TRAPPC13: variants seen among roughly 807,000 people sequenced by gnomAD.
The protein encoded by TRAPPC13 is trafficking protein particle complex subunit 13, also known as REV7-interacting novel NHEJ regulator 1.
Under a neutral mutation model 54.0 loss-of-function variants are expected in TRAPPC13, and 39 were observed. That is an observed-to-expected ratio of 0.72 (90% CI 0.56 to 0.94). The LOEUF (loss-of-function observed/expected upper bound fraction) is 0.94. Among genes scored for constraint, TRAPPC13 ranks in the 40% least tolerant of loss-of-function variants. The pLI is 0.00. For missense variants in TRAPPC13, 386 were observed against 488.1 expected (o/e 0.79, Z 1.97); for synonymous variants, 148 against 167.7 (o/e 0.88, Z 0.91).
At chr5:65,630,939 T>A (rs527373568) in intron 1 of TRAPPC13, 101 of 154,290 alleles carry the variant, frequency 6.5e-4, no homozygotes, top group Admixed American at 1.8e-3. Flanking sequence ...TGATAGTTAG[T>A]GCTAATTATT....
At position 65,660,597 on chromosome 5, in the gene TRAPPC13, G is replaced by C. The variant is rs139037600; in HGVS notation, c.699-102G>C. On this transcript the variant is annotated intron_variant, in intron 9 of 12. Transcript: ENST00000399438. ...CATGTTCTGTTGTTGATCTTTGGAG[G>C]GTACATCATCCAGTTCCTATCCAAA... The C allele has an allele frequency of 5.3e-4, 404 of 767,878 alleles. 3 individuals carry two copies. The highest frequency in any genetic ancestry group is 4.4e-3 in the African/African-American group (242 of 55,620). The allele number at this position is 767,878 out of a possible 1,614,324, so 47.6% of individuals were successfully genotyped here.
intron 4 of TRAPPC13, among the ~76,000 whole-genome samples, chr5:65,641,302 C>G (rs1232385644): frequency 6.6e-6 from 1 of 152,140 alleles, no homozygotes. Context: ...TTGATATTGA[C>G]CTGTATTTGT....
intron 4 of TRAPPC13, among the ~76,000 whole-genome samples, 152 bp from the exon 5 acceptor site, chr5:65,646,903 A>G (rs576277315): frequency 1.3e-5 from 2 of 152,168 alleles, no homozygotes; most frequent in Non-Finnish European, 2.9e-5. Flanking sequence ...CATCAGAGCT[A>G]TACAGAAAGG....
chr5:65,629,537 A>G (rs888194411), intron 1 of TRAPPC13: 5 of 1,469,100 alleles, frequency 3.4e-6, no homozygotes, highest in Non-Finnish European at 2.7e-6. Flanking sequence ...AGCTCTGAGG[A>G]GTTCAACTAA....
At chr5:65,655,726 C>T in intron 8 of TRAPPC13, 73 bp downstream of exon 8, 1 of 544,948 alleles carries the variant, frequency 1.8e-6, no homozygotes, top group Non-Finnish European at 2.8e-6. Flanking sequence ...TAATTAATCT[C>T]TCTTTACAAA....
intron 1 of TRAPPC13, 73 bp from the exon 2 acceptor site, chr5:65,635,228 A>G: frequency 7.8e-7 from 1 of 1,275,692 alleles, no homozygotes; most frequent in Non-Finnish European, 1.1e-6. Flanking sequence ...GATGAATGTC[A>G]TACACTAGAC....
intron 4 of TRAPPC13, among the ~76,000 whole-genome samples, chr5:65,637,997 T>TA (rs1447935632): frequency 6.6e-6 from 1 of 151,240 alleles, no homozygotes; most frequent in Non-Finnish European, 1.5e-5. Context: ...TGCACACCTG[T>TA]AGTCCCAGCT....
rs976335042 is a variant in TRAPPC13 at position 65,635,526 on chromosome 5, G to A, written c.115+157G>A. On this transcript the variant is annotated intron_variant, in intron 2 of 12. Coordinates refer to ENST00000399438, the MANE Select transcript of TRAPPC13 (RefSeq NM_024941.4). Reference sequence around the variant, plus strand: ...TGTATCATGTGAAAGGTGGCCATCTGAGTAACAGGCCTTACTTATACTCTA... The same window carrying A: ...TGTATCATGTGAAAGGTGGCCATCTAAGTAACAGGCCTTACTTATACTCTA... Among the ~76,000 whole-genome samples the A allele has an allele frequency of 1.3e-5, 2 of 152,326 alleles. No homozygotes were observed. The highest frequency in any genetic ancestry group is 2.9e-5 in the Non-Finnish European group (2 of 68,036).
chr5:65,636,122 G>A lies in TRAPPC13; in HGVS notation c.215+79G>A, dbSNP rs182295489. 434 of 897,984 alleles carry A rather than the reference G, an allele frequency of 4.8e-4. 2 individuals are homozygous for A. In the African/African-American group the frequency reaches 6.5e-3, roughly 13 times the overall value. The allele number at this position is 897,984 out of a possible 1,614,324, so 55.6% of individuals were successfully genotyped here. ...TTTCAAAACAGAACCATGGGATGGG[G>A]AAATGCTCATGATACATTTACCTTT... On this transcript the variant is annotated intron_variant, in intron 3 of 12. Transcript: ENST00000399438.
At chr5:65,630,337 G>T in intron 1 of TRAPPC13, 1 of 1,499,738 alleles carries the variant, frequency 6.7e-7, no homozygotes, top group African/African-American at 1.4e-5. Flanking sequence ...TTTTTAGTAT[G>T]TAATGAATTC....
chr5:65,627,175 A>C (rs1338778976), intron 1 of TRAPPC13, among the ~76,000 whole-genome samples: 2 of 149,408 alleles, frequency 1.3e-5, no homozygotes, highest in Non-Finnish European at 3.0e-5. Flanking sequence ...AAGCAGCCTA[A>C]ACGGACAAGT....
rs751220838 is a variant in TRAPPC13, at chr5:65,664,878, T to A, written c.*267T>A. ...CCATTGGACTTTGTTCTCCAAAAGC[T>A]GTGTATCTGAGACCATTTGTCCCTA... On this transcript the variant is annotated 3_prime_UTR_variant, in exon 13 of 13. Transcript: ENST00000399438. 12 of 428,930 alleles carry A rather than the reference T, an allele frequency of 2.8e-5. No homozygotes were observed. The highest frequency in any genetic ancestry group is 5.1e-5 in the East Asian group (1 of 19,700). 26.6% of individuals were successfully genotyped at this position (428,930 alleles called of 1,614,324 possible). A position where few individuals can be genotyped will look rare whatever the true frequency, so the allele number is the denominator to read the frequency against.
chr5:65,658,518 G>T lies in TRAPPC13; in HGVS notation c.698+17G>T. 2 of 1,536,006 alleles carry T rather than the reference G, an allele frequency of 1.3e-6. No homozygotes were observed. The highest frequency in any genetic ancestry group is 1.8e-6 in the Non-Finnish European group (2 of 1,137,892). On this transcript the variant is annotated intron_variant, in intron 9 of 12. Coordinates refer to ENST00000399438, the MANE Select transcript of TRAPPC13 (RefSeq NM_024941.4). ...TGGAGAATGGTAAATATTAATTTAT[G>T]AAGTCTTTATCCTTGTTTTGAAAGA...
At chr5:65,662,195 C>G in intron 11 of TRAPPC13, 45 bp downstream of exon 11, 1 of 1,334,334 alleles carries the variant, frequency 7.5e-7, no homozygotes, top group Admixed American at 2.4e-5. Flanking sequence ...ACCTCACCTG[C>G]CTAGAAGATA....
intron 1 of TRAPPC13, among the ~76,000 whole-genome samples, chr5:65,627,561 C>G (rs1053627439): frequency 6.6e-6 from 1 of 150,788 alleles, no homozygotes; most frequent in African/African-American, 2.4e-5. Flanking sequence ...CCCTGGGAGG[C>G]GAAGGTTGCT....
intron 3 of TRAPPC13, 141 bp downstream of exon 3, chr5:65,636,184 C>G: frequency 3.4e-6 from 2 of 591,332 alleles, no homozygotes; most frequent in Non-Finnish European, 5.8e-6. Flanking sequence ...CGCTCTATTG[C>G]CCAGGCTGGA....
At position 65,664,498 on chromosome 5, in the gene TRAPPC13, C is replaced by G; in HGVS notation, c.1147-6C>G. On this transcript the variant is annotated splice_region_variant and splice_polypyrimidine_tract_variant and intron_variant, in intron 12 of 12. Transcript: ENST00000399438. ...AACTTAGACTCATCTCTCTCTCTCTCAATAGAGCATCTCTGGCTTAAGACT... is the reference window on the plus strand; with the variant it reads ...AACTTAGACTCATCTCTCTCTCTCTGAATAGAGCATCTCTGGCTTAAGACT... 6.2e-7 allele frequency: 1 copy of G among 1,606,384 alleles called. No individual in the cohort carries two copies. The highest frequency in any genetic ancestry group is 8.5e-7 in the Non-Finnish European group (1 of 1,176,256).
At chr5:65,651,252 C>T (rs1042708237) in intron 6 of TRAPPC13, among the ~76,000 whole-genome samples, 1 of 152,096 alleles carries the variant, frequency 6.6e-6, no homozygotes, top group South Asian at 2.1e-4. Context: ...GACTACAGCA[C>T]AAGCCTATAA....
intron 6 of TRAPPC13, among the ~76,000 whole-genome samples, chr5:65,651,410 T>C (rs982394252): frequency 3.9e-5 from 6 of 152,246 alleles, no homozygotes; most frequent in African/African-American, 1.4e-4. Flanking sequence ...TTTTATGGCC[T>C]GAGAAAACAC....
Sources: gnomAD v4.1 joint callset for allele counts (sites outside exome capture counted in the v4.1 genomes callset) on GRCh38, gnomAD v4.1.1 for gene constraint, MANE v1.5 for transcripts, NCBI Gene and HGNC (gene_info 2026-07-23, HGNC 2026-07-21) for gene names.